Variants in DPH6 observed in about 807,000 individuals in gnomAD.
The protein encoded by DPH6 is diphthine--ammonia ligase.
In DPH6, 33 loss-of-function variants were observed where a neutral mutation model predicts 38.2. That is an observed-to-expected ratio of 0.86 (90% CI 0.65 to 1.15). DPH6 has a LOEUF of 1.15. Ranked by LOEUF, DPH6 falls within the 50% of genes most tolerant of loss-of-function variation. The pLI is 0.00. For missense variants in DPH6, 325 were observed against 320.0 expected, an observed-to-expected ratio of 1.02 and a Z score of -0.12; for synonymous variants, 108 against 103.0, an observed-to-expected ratio of 1.05 and a Z score of -0.30.
intron 3 of DPH6, among the ~76,000 whole-genome samples, chr15:35,235,199 G>C (rs1481859953): frequency 6.6e-6 from 1 of 152,198 alleles, no homozygotes; most frequent in African/African-American, 2.4e-5. Flanking sequence ...AAGTGAAAGA[G>C]AGCCTGGGAG....
intron 3 of DPH6, among the ~76,000 whole-genome samples, chr15:35,239,762 C>G (rs1218246164): frequency 7.0e-6 from 1 of 142,802 alleles, no homozygotes; most frequent in African/African-American, 2.5e-5. Context: ...CTCCTTCACC[C>G]TTAGCAGCAA....
At chr15:35,250,893 T>C (rs577101978) in intron 3 of DPH6, among the ~76,000 whole-genome samples, 1 of 152,236 alleles carries the variant, frequency 6.6e-6, no homozygotes, top group Non-Finnish European at 1.5e-5. Flanking sequence ...ATTTTTTAAA[T>C]GTATATTCCC....
At chr15:35,358,673 G>T (rs1018461585) in intron 3 of DPH6, among the ~76,000 whole-genome samples, 2 of 152,184 alleles carry the variant, frequency 1.3e-5, no homozygotes, top group African/African-American at 4.8e-5. Context: ...TAGCCACACA[G>T]CAAGTCTACC....
At chr15:35,416,153 C>CA (rs1161019107) in intron 5 of DPH6, among the ~76,000 whole-genome samples, 2 of 151,750 alleles carry the variant, frequency 1.3e-5, no homozygotes, top group Non-Finnish European at 1.5e-5. Context: ...GGAAAAAAAT[C>CA]AAAAAAATCT....
intron 3 of DPH6, among the ~76,000 whole-genome samples, chr15:35,224,359 G>A (rs1396080948): frequency 3.3e-5 from 5 of 151,930 alleles, no homozygotes; most frequent in Non-Finnish European, 5.9e-5. Context: ...CGCCTGCCAC[G>A]GCCTCCCAAA....
At chr15:35,355,704 G>A (rs185112213) in intron 3 of DPH6, among the ~76,000 whole-genome samples, 409 of 152,236 alleles carry the variant, frequency 2.7e-3, no homozygotes, top group Non-Finnish European at 4.1e-3. Flanking sequence ...TTTCTCTCTG[G>A]CTGCTCTTAA....
intron 3 of DPH6, among the ~76,000 whole-genome samples, chr15:35,530,692 G>C (rs570302781): frequency 5.9e-5 from 9 of 152,310 alleles, no homozygotes; most frequent in South Asian, 2.1e-4. Context: ...GGAATTTATA[G>C]ATGAAGGCTT....
chr15:35,521,391 A>C, intron 3 of DPH6: 2 of 1,074,562 alleles, frequency 1.9e-6, no homozygotes, highest in Non-Finnish European at 2.3e-6. Flanking sequence ...ATATCATCTA[A>C]AGAATCTGTA....
chr15:35,399,814 A>G (rs868498243), intron 6 of DPH6, among the ~76,000 whole-genome samples: 3 of 152,242 alleles, frequency 2.0e-5, no homozygotes, highest in Non-Finnish European at 4.4e-5. Flanking sequence ...ATGTGAGGAA[A>G]GATTGAAGAC....
rs543775249 is a variant in DPH6 at position 35,276,547 on chromosome 15, T to C, written n.201-55965A>G. Reference sequence around the variant, plus strand: ...GAAGGGTTTTTCTGATATTGTCTTCTAGAATTTTTATAGTTTCAAGTCTTA... The same window carrying C: ...GAAGGGTTTTTCTGATATTGTCTTCCAGAATTTTTATAGTTTCAAGTCTTA... On this transcript the variant is annotated intron_variant and non_coding_transcript_variant, in intron 3 of 3. Transcript: ENST00000560386. Among the ~76,000 whole-genome samples the C allele has an allele frequency of 1.6e-4, 25 of 152,376 alleles. No homozygotes were observed. In the East Asian group the frequency reaches 3.9e-3, roughly 23 times the overall value.
chr15:35,357,993 A>C (rs2052580803), intron 3 of DPH6, among the ~76,000 whole-genome samples: 1 of 152,138 alleles, frequency 6.6e-6, no homozygotes. Flanking sequence ...AAGCTTTTAG[A>C]ATTCTCTTCT....
chr15:35,543,429 T>C (rs1340726240), intron 1 of DPH6, among the ~76,000 whole-genome samples: 2 of 151,902 alleles, frequency 1.3e-5, no homozygotes, highest in Non-Finnish European at 2.9e-5. Flanking sequence ...GTAGCTCATC[T>C]ATAATATGGC....
chr15:35,183,307 C>G, the DPH6 span, among the ~76,000 whole-genome samples: 1 of 152,284 alleles, frequency 6.6e-6, no homozygotes, highest in East Asian at 1.9e-4. Context: ...TCCTTCTCAG[C>G]AGGGACTGGG....
intron 3 of DPH6, among the ~76,000 whole-genome samples, chr15:35,470,912 G>A (rs2054190543): frequency 1.3e-5 from 2 of 152,028 alleles, no homozygotes; most frequent in Admixed American, 6.5e-5. Context: ...ATCTTAATTA[G>A]TATAGGAGAT....
intron 6 of DPH6, among the ~76,000 whole-genome samples, chr15:35,408,005 G>A (rs115619725): frequency 0.025 from 3,841 of 152,068 alleles, 72 homozygotes; most frequent in African/African-American, 0.055. Context: ...GATCATGGCA[G>A]GGCAATGGTG....
At chr15:35,204,323 A>T in the DPH6 span, among the ~76,000 whole-genome samples, 1 of 151,834 alleles carries the variant, frequency 6.6e-6, no homozygotes, top group African/African-American at 2.4e-5. Context: ...CTAAATTTAG[A>T]AATTTGTTAT....
At chr15:35,339,167 G>A (rs1320654442) in intron 3 of DPH6, among the ~76,000 whole-genome samples, 2 of 151,516 alleles carry the variant, frequency 1.3e-5, no homozygotes, top group Non-Finnish European at 2.9e-5. Flanking sequence ...ATGTACCCTA[G>A]AACTTAAAGT....
the DPH6 span, among the ~76,000 whole-genome samples, chr15:35,173,109 A>G: frequency 6.6e-6 from 1 of 152,208 alleles, no homozygotes; most frequent in African/African-American, 2.4e-5. Flanking sequence ...TCTGGGTCTA[A>G]ATCTGTCCCA....
intron 3 of DPH6, among the ~76,000 whole-genome samples, chr15:35,319,394 C>T (rs1433669891): frequency 6.6e-6 from 1 of 151,984 alleles, no homozygotes; most frequent in East Asian, 1.9e-4. Context: ...GTATTTATGT[C>T]TCATCCCTTT....
Sources: allele counts gnomAD v4.1 joint callset (sites outside exome capture counted in the v4.1 genomes callset), GRCh38; gene constraint gnomAD v4.1.1; transcripts MANE v1.5; gene names NCBI Gene and HGNC (gene_info 2026-07-23, HGNC 2026-07-21).